Variants in PPP1R12B observed in about 807,000 individuals in gnomAD.
PPP1R12B encodes the protein myosin phosphatase target subunit 2.
Under a neutral mutation model 126.1 loss-of-function variants are expected in PPP1R12B, and 76 were observed. The ratio of observed to expected loss-of-function variants is 0.60; its 90% confidence interval spans 0.50 to 0.73. The LOEUF is 0.73. PPP1R12B is among the 30% of genes least tolerant of loss of function. The pLI, the probability that PPP1R12B is intolerant of heterozygous loss-of-function variation, is 0.00. For missense variants in PPP1R12B, 1,052 were observed against 1,205.1 expected, an observed-to-expected ratio of 0.87 and a Z score of 1.88; for synonymous variants, 356 against 434.7, an observed-to-expected ratio of 0.82 and a Z score of 2.25.
At chr1:202,446,879 C>G (rs1186446112) in intron 12 of PPP1R12B, among the ~76,000 whole-genome samples, 1 of 151,778 alleles carries the variant, frequency 6.6e-6, no homozygotes, top group Admixed American at 6.6e-5. Flanking sequence ...CTCCACAGTT[C>G]TTGCATCATG....
chr1:202,403,927 A>G (rs1362009378), intron 1 of PPP1R12B, among the ~76,000 whole-genome samples: 1 of 152,154 alleles, frequency 6.6e-6, no homozygotes, highest in Non-Finnish European at 1.5e-5. Context: ...CCTCAGGGGT[A>G]CTTCTCAAAT....
At chr1:202,473,734 TC>T (rs1676246870) in intron 13 of PPP1R12B, among the ~76,000 whole-genome samples, 1 of 152,192 alleles carries the variant, frequency 6.6e-6, no homozygotes, top group Admixed American at 6.5e-5. Flanking sequence ...CCTTTTCTCC[TC>T]CCCTTCCTTC....
At chr1:202,404,350 T>C (rs1409127330) in intron 1 of PPP1R12B, among the ~76,000 whole-genome samples, 2 of 152,124 alleles carry the variant, frequency 1.3e-5, no homozygotes, top group Admixed American at 1.3e-4. Context: ...CATAGAATTC[T>C]CACTATTCCA....
chr1:202,452,560 G>A (rs114801787), intron 13 of PPP1R12B, among the ~76,000 whole-genome samples: 6,223 of 151,952 alleles, frequency 0.041, 326 homozygotes, highest in African/African-American at 0.12. Context: ...GAGGGAGACC[G>A]TGGGGAGACG....
At chr1:202,517,060 G>A (rs1348836642) in intron 18 of PPP1R12B, among the ~76,000 whole-genome samples, 6 of 152,110 alleles carry the variant, frequency 3.9e-5, no homozygotes, top group Non-Finnish European at 8.8e-5. Flanking sequence ...GTCTAATTCA[G>A]GGTTAACAAA....
chr1:202,398,492 A>C (rs1357518173), intron 1 of PPP1R12B, among the ~76,000 whole-genome samples: 1 of 152,218 alleles, frequency 6.6e-6, no homozygotes, highest in Admixed American at 6.5e-5. Context: ...CTTTTGGAAA[A>C]TATTCACTAT....
intron 23 of PPP1R12B, among the ~76,000 whole-genome samples, chr1:202,570,195 A>G (rs572617369): frequency 1.8e-4 from 27 of 152,308 alleles, no homozygotes; most frequent in African/African-American, 6.5e-4. Context: ...AAGCACTGGG[A>G]TAGTATTAGG....
intron 13 of PPP1R12B, among the ~76,000 whole-genome samples, chr1:202,451,367 T>C (rs1030988254): frequency 2.0e-5 from 3 of 148,146 alleles, no homozygotes; most frequent in African/African-American, 5.0e-5. Context: ...GGAGTGGTGA[T>C]GACTCTTAAC....
chr1:202,374,183 C>T lies in PPP1R12B; in HGVS notation c.291+25041C>T, dbSNP rs921542199. Among the ~76,000 whole-genome samples, 54 of 152,188 alleles carry T rather than the reference C, an allele frequency of 3.5e-4. 1 individual carries two copies. Among genetic ancestry groups the T allele is most frequent in the African/African-American group, 1.2e-3 (51 of 41,518 alleles). ...TCTTTCCTTGAAGGCTTTTAGGTAC[C>T]TCAGACTCAACATATTTTATATGAA... On this transcript the variant is annotated intron_variant, in intron 1 of 23. Transcript: ENST00000608999.
At chr1:202,448,877 GA>G (rs1672581605) in intron 12 of PPP1R12B, 111 bp from the exon 13 acceptor site, 1 of 1,149,676 alleles carries the variant, frequency 8.7e-7, no homozygotes, top group Non-Finnish European at 1.2e-6. Context: ...AACAAAATCA[GA>G]GCGAGATTTC....
chr1:202,360,326 CATTA>C (rs1657932280), intron 1 of PPP1R12B, among the ~76,000 whole-genome samples: 1 of 152,138 alleles, frequency 6.6e-6, no homozygotes, highest in South Asian at 2.1e-4. Context: ...ACCTGAATTC[CATTA>C]ATTAGTGAAT....
intron 18 of PPP1R12B, among the ~76,000 whole-genome samples, chr1:202,514,719 G>A (rs1223164124): frequency 6.6e-6 from 1 of 152,052 alleles, no homozygotes; most frequent in Non-Finnish European, 1.5e-5. Context: ...CAGCTTTGTC[G>A]AAGATCAGAT....
chr1:202,495,714 A>C, intron 17 of PPP1R12B, 32 bp downstream of exon 17: 52 of 1,560,714 alleles, frequency 3.3e-5, no homozygotes, highest in African/African-American at 4.1e-5. Flanking sequence ...GAGGCATATC[A>C]TATTACTCTT....
intron 1 of PPP1R12B, among the ~76,000 whole-genome samples, chr1:202,373,144 C>T (rs1245719816): frequency 6.6e-6 from 1 of 152,054 alleles, no homozygotes; most frequent in Non-Finnish European, 1.5e-5. Context: ...CCATGTTGGC[C>T]AGGCTGGTCT....
intron 23 of PPP1R12B, among the ~76,000 whole-genome samples, chr1:202,578,016 A>C (rs1160680191): frequency 6.6e-6 from 1 of 152,208 alleles, no homozygotes; most frequent in Non-Finnish European, 1.5e-5. Flanking sequence ...ATATCAGATA[A>C]CACTGTTCAT....
intron 13 of PPP1R12B, among the ~76,000 whole-genome samples, chr1:202,477,400 A>C (rs1235840321): frequency 6.6e-6 from 1 of 152,234 alleles, no homozygotes; most frequent in African/African-American, 2.4e-5. Flanking sequence ...GTAAGCTGAG[A>C]AGCCATGGTA....
intron 18 of PPP1R12B, among the ~76,000 whole-genome samples, chr1:202,514,566 A>G (rs1681894504): frequency 6.6e-6 from 1 of 152,112 alleles, no homozygotes; most frequent in South Asian, 2.1e-4. Flanking sequence ...TGGGGTTTAT[A>G]TTTAAGTCTT....
chr1:202,578,242 A>G (rs1323764697), intron 23 of PPP1R12B, among the ~76,000 whole-genome samples: 2 of 152,192 alleles, frequency 1.3e-5, no homozygotes, highest in African/African-American at 4.8e-5. Context: ...CAAGTTGTTT[A>G]TACATTTTTT....
At chr1:202,557,291 T>G (rs1687055280) in intron 18 of PPP1R12B, among the ~76,000 whole-genome samples, 1 of 152,114 alleles carries the variant, frequency 6.6e-6, no homozygotes, top group Admixed American at 6.5e-5. Flanking sequence ...GCCCTATATA[T>G]GTGTTAGTTC....
Sources: gnomAD v4.1 joint callset for allele counts (sites outside exome capture counted in the v4.1 genomes callset) on GRCh38, gnomAD v4.1.1 for gene constraint, MANE v1.5 for transcripts, NCBI Gene and HGNC (gene_info 2026-07-23, HGNC 2026-07-21) for gene names.